Variants in PCNX4 observed in about 807,000 individuals in gnomAD.
PCNX4 encodes pecanex 4, also known as pecanex-like protein 4.
PCNX4 carries 103 observed loss-of-function variants against 107.2 expected under a neutral mutation model. That is an observed-to-expected ratio of 0.96 (90% CI 0.82 to 1.13). The LOEUF is 1.13. PCNX4 is among the 50% of genes most tolerant of loss of function. The probability of loss-of-function intolerance (pLI) is 0.00; values close to 1 mark genes in which losing one functional copy is unlikely to be tolerated. For synonymous variants in PCNX4, 541 were observed against 481.7 expected (o/e 1.12, Z -1.61); for missense variants, 1,528 against 1,379.4 (o/e 1.11, Z -1.71).
At chr14:60,125,511 C>T in intron 9 of PCNX4, 126 bp from the exon 10 acceptor site, 4 of 800,256 alleles carry the variant, frequency 5.0e-6, no homozygotes, top group Non-Finnish European at 7.1e-6. Flanking sequence ...TTTCTTCCTC[C>T]ACTTTTTATC....
chr14:60,123,082 T>C (rs1357830527), intron 8 of PCNX4, among the ~76,000 whole-genome samples: 3 of 152,124 alleles, frequency 2.0e-5, no homozygotes, highest in Non-Finnish European at 4.4e-5. Flanking sequence ...GAACCTCTGC[T>C]CTAGTCTAAC....
Position 60,135,983 on chromosome 14 carries a change from C to T in PCNX4, c.*1762C>T, listed in dbSNP as rs981364966. The T allele has an allele frequency of 1.3e-5, 2 of 152,114 alleles. No homozygotes were observed. Among genetic ancestry groups the T allele is most frequent in the African/African-American group, 2.4e-5 (1 of 41,408 alleles). 9.4% of individuals were successfully genotyped at this position (152,114 alleles called of 1,614,324 possible). ...TGATAATAATGTCAAGCTATGCCTT[C>T]GCTTAACCTTGCATCCTCCTCAAAG... On this transcript the variant is annotated 3_prime_UTR_variant, in exon 11 of 11. Coordinates refer to ENST00000406854, the MANE Select transcript of PCNX4 (RefSeq NM_001330177.2).
chr14:60,120,969 T>C (rs1008374500), intron 7 of PCNX4, among the ~76,000 whole-genome samples: 1 of 152,138 alleles, frequency 6.6e-6, no homozygotes, highest in African/African-American at 2.4e-5. Flanking sequence ...CTTGAGTTTT[T>C]ATGTAGTATC....
rs977025871 is a variant in PCNX4 at position 60,107,959 on chromosome 14, G to A, written c.321G>A (p.Thr107=). The A allele has an allele frequency of 5.0e-6, 8 of 1,612,624 alleles. No homozygotes were observed. In the Admixed American group the frequency reaches 5.0e-5, roughly 10 times the overall value. The change falls in exon 2 of 11, where the codon ACG becomes ACA. Residue 107 remains threonine (T), a synonymous_variant. Transcript: ENST00000406854. ...CAACAGTAGAAAGAATACTAACCACGGATATCTTAGCAGAGGAGGATGAGC... is the reference window on the plus strand; with the variant it reads ...CAACAGTAGAAAGAATACTAACCACAGATATCTTAGCAGAGGAGGATGAGC... ...KSTTVERILT[T]DILAEEDEHE...
Position 60,118,654 on chromosome 14 carries a change from C to G in PCNX4, c.1904C>G (p.Thr635Ser), listed in dbSNP as rs760671555. The G allele has an allele frequency of 1.1e-5, 18 of 1,609,606 alleles. No individual in the cohort carries two copies. Among genetic ancestry groups the G allele is most frequent in the Non-Finnish European group, 1.5e-5 (18 of 1,176,872 alleles). ...VYYYQMVPRL[T>S]AVLQTAMAAG... ...TACTACCAAATGGTGCCCAGGTTGA[C>G]TGCTGTACTGCAGACTGCAATGGCA... The change falls in exon 7 of 11, where the codon ACT (threonine) becomes AGT (serine). Residue 635 changes from threonine (T) to serine (S), a missense_variant. Transcript: ENST00000406854.
At position 60,124,746 on chromosome 14, in the gene PCNX4, T is replaced by G. The variant is rs148749375; in HGVS notation, c.2575T>G (p.Ser859Ala). The change falls in exon 9 of 11, where the codon TCA becomes GCA. Residue 859 changes from serine to alanine, a missense_variant. Transcript: ENST00000406854. ...TNLFIPGSVE[S>A]QRVGDHSTGT... ...TTTGTTTATTCCAGGATCAGTAGAATCACAGAGGGTTGGTGATCATTCTAC... is the reference window on the plus strand; with the variant it reads ...TTTGTTTATTCCAGGATCAGTAGAAGCACAGAGGGTTGGTGATCATTCTAC... 3.1e-6 allele frequency: 5 copies of G among 1,613,052 alleles called. No homozygotes were observed. The African/African-American group carries it at 6.7e-5, about 22-fold the overall frequency.
In PCNX4 at chr14:60,143,267, A is replaced by G. The variant is rs1896327914; in HGVS notation, c.*9046A>G. On this transcript the variant is annotated 3_prime_UTR_variant, in exon 11 of 11. Transcript: ENST00000406854. ...GCAAATCTCCCTTTTCTGAACTATT[A>G]TGCTTATAGTCTGTACCAGGCCACA... 6.6e-6 allele frequency: 1 copy of G among 152,156 alleles called. No homozygotes were observed. The highest frequency in any genetic ancestry group is 1.5e-5 in the Non-Finnish European group (1 of 68,024). The allele number at this position is 152,156 out of a possible 1,614,324, so 9.4% of individuals were successfully genotyped here. A position where few individuals can be genotyped will look rare whatever the true frequency, so the allele number is the denominator to read the frequency against.
Position 60,124,774 on chromosome 14 carries a change from G to C in PCNX4, c.2603G>C (p.Gly868Ala), listed in dbSNP as rs752043334. 6.2e-7 allele frequency: 1 copy of C among 1,613,250 alleles called. No individual in the cohort carries two copies. Among genetic ancestry groups the C allele is most frequent in the Non-Finnish European group, 8.5e-7 (1 of 1,179,772 alleles). The change falls in exon 9 of 11, where the codon GGC (glycine) becomes GCC (alanine). Residue 868 changes from glycine (G) to alanine (A), a missense_variant. By Grantham distance (60) the Gly-to-Ala change is moderately conservative (BLOSUM62 0). Coordinates refer to ENST00000406854, the MANE Select transcript of PCNX4 (RefSeq NM_001330177.2). ...CAGAGGGTTGGTGATCATTCTACAG[G>C]CACTGTTCCTGAAAACGATCTTTAC... The part of the protein sequence containing the change: ...ESQRVGDHST[G>A]TVPENDLYKA...
At position 60,118,556 on chromosome 14, in the gene PCNX4, G is replaced by GA. The variant is rs763886002; in HGVS notation, c.1806_1807insA (p.Phe603IlefsTer78). ...TCACCCTTCCTGTGTTCTTGGTGGG[G>GA]TTTCCCCGACCTATTCAGAGTTGGC... On this transcript the variant is annotated frameshift_variant, in exon 7 of 11. Transcript: ENST00000406854. LOFTEE classifies it high-confidence loss of function. 8.7e-6 allele frequency: 14 copies of GA among 1,613,656 alleles called. No individual in the cohort carries two copies. Among genetic ancestry groups the GA allele is most frequent in the Non-Finnish European group, 1.2e-5 (14 of 1,179,824 alleles).
chr14:60,125,816 C>A lies in PCNX4; in HGVS notation c.3260C>A (p.Ser1087Tyr). 6.2e-7 allele frequency: 1 copy of A among 1,600,686 alleles called. No individual in the cohort carries two copies. The highest frequency in any genetic ancestry group is 1.1e-5 in the South Asian group (1 of 88,350). ...KPYLFSLGYD[S>Y]NMGIYTGRVL... ...TACTTGTTTTCTCTGGGGTATGATT[C>A]TAATATGGTAAGGTTAAAAAATTTT... Residue 1087 changes from serine (S) to tyrosine (Y), a missense_variant, in exon 10 of 11, where the codon TCT becomes TAT. Physicochemically the swap from Ser to Tyr is moderately radical, Grantham distance 144. Transcript: ENST00000406854.
intron 7 of PCNX4, among the ~76,000 whole-genome samples, chr14:60,119,404 C>T (rs924729053): frequency 2.6e-5 from 4 of 152,136 alleles, no homozygotes; most frequent in Non-Finnish European, 5.9e-5. Context: ...GCTTTAACCC[C>T]TGAAACTTGT....
chr14:60,118,751 TAACA>T, intron 7 of PCNX4, 59 bp downstream of exon 7: 2 of 1,462,710 alleles, frequency 1.4e-6, no homozygotes, highest in Non-Finnish European at 9.1e-7. Flanking sequence ...TACAAAAAAA[TAACA>T]AACAGGAAAA....
Position 60,145,117 on chromosome 14 carries a change from C to G in PCNX4, c.*10896C>G. 1.3e-6 allele frequency: 1 copy of G among 761,276 alleles called. No individual in the cohort carries two copies. The highest frequency in any genetic ancestry group is 2.0e-6 in the Non-Finnish European group (1 of 502,142). 47.2% of individuals were successfully genotyped at this position (761,276 alleles called of 1,614,324 possible). A position where few individuals can be genotyped will look rare whatever the true frequency, so the allele number is the denominator to read the frequency against. Reference sequence around the variant, plus strand: ...TGAGGAGCTGTATCATTATGATTCACTATTAAGAATCTTTACAAAAGTTCA... The same window carrying G: ...TGAGGAGCTGTATCATTATGATTCAGTATTAAGAATCTTTACAAAAGTTCA... On this transcript the variant is annotated 3_prime_UTR_variant, in exon 11 of 11. Coordinates refer to ENST00000406854, the MANE Select transcript of PCNX4 (RefSeq NM_001330177.2). The surrounding 1 kb of genome is among the most constrained non-coding windows in gnomAD (Gnocchi z 4.0).
chr14:60,100,411 G>A (rs571503903), intron 1 of PCNX4, among the ~76,000 whole-genome samples: 7 of 152,114 alleles, frequency 4.6e-5, no homozygotes, highest in African/African-American at 1.2e-4. Context: ...TGATTCTCCC[G>A]CCTCAGCCTC....
intron 1 of PCNX4, among the ~76,000 whole-genome samples, chr14:60,102,005 G>A (rs542903747): frequency 3.9e-5 from 6 of 152,324 alleles, no homozygotes; most frequent in Non-Finnish European, 7.4e-5. Flanking sequence ...TTCCACTTAT[G>A]TGAGGTATCT....
chr14:60,136,459 T>C lies in PCNX4; in HGVS notation c.*2238T>C, dbSNP rs1363466763. On this transcript the variant is annotated 3_prime_UTR_variant, in exon 11 of 11. Transcript: ENST00000406854. ...TATATGTACCTAACCCAACCTCTCTTCTTACACTGAACCTATATATATCAC... is the reference window on the plus strand; with the variant it reads ...TATATGTACCTAACCCAACCTCTCTCCTTACACTGAACCTATATATATCAC... 1 of 152,200 alleles carries C rather than the reference T, an allele frequency of 6.6e-6. No individual in the cohort carries two copies. Among genetic ancestry groups the C allele is most frequent in the East Asian group, 1.9e-4 (1 of 5,192 alleles). The allele number at this position is 152,200 out of a possible 1,614,324, so 9.4% of individuals were successfully genotyped here. A position where few individuals can be genotyped will look rare whatever the true frequency, so the allele number is the denominator to read the frequency against.
Position 60,096,361 on chromosome 14 carries a change from G to A in PCNX4, c.-54+3942G>A, listed in dbSNP as rs142790532. ...ATGCAGCTATCATTCAGGACCTTTT[G>A]GGAGTAATTCACTAAAGCCTCTATA... is the stretch of plus-strand genomic sequence containing the variant. On this transcript the variant is annotated intron_variant, in intron 1 of 10. Transcript: ENST00000406854. Among the ~76,000 whole-genome samples, 12 of 152,216 alleles carry A rather than the reference G, an allele frequency of 7.9e-5. No individual in the cohort carries two copies. The East Asian group carries it at 2.1e-3, about 27-fold the overall frequency.
Position 60,107,767 on chromosome 14 carries a change from T to C in PCNX4, c.129T>C (p.Asn43=). The change falls in exon 2 of 11, where the codon AAT becomes AAC. Residue 43 remains asparagine (N), a synonymous_variant. Coordinates refer to ENST00000406854, the MANE Select transcript of PCNX4 (RefSeq NM_001330177.2). ...GTGCCCCTCCTTACATATATGTTAA[T>C]CAAATTATTCTTTTTCTAATGCCAT... ...GYCAPPYIYV[N]QIILFLMPWV... The C allele has an allele frequency of 6.2e-7, 1 of 1,612,796 alleles. No homozygotes were observed. Among genetic ancestry groups the C allele is most frequent in the African/African-American group, 1.3e-5 (1 of 75,046 alleles).
chr14:60,110,010 G>A (rs192546647), intron 2 of PCNX4: 99 of 167,178 alleles, frequency 5.9e-4, no homozygotes, highest in African/African-American at 2.3e-3. Context: ...TTAAGCAAGA[G>A]AAGGAACCAG....
Sources: gnomAD v4.1 joint callset for allele counts (sites outside exome capture counted in the v4.1 genomes callset) on GRCh38, gnomAD v4.1.1 for gene constraint, Gnocchi (gnomAD v3.1) non-coding constraint, MANE v1.5 for transcripts, NCBI Gene and HGNC (gene_info 2026-07-23, HGNC 2026-07-21) for gene names.